Variants in CSPP1 observed in about 807,000 individuals in gnomAD.
CSPP1 encodes the protein centrosome and spindle pole-associated protein 1.
In CSPP1, 126 loss-of-function variants were observed where a neutral mutation model predicts 164.4. The ratio of observed to expected loss-of-function variants is 0.77; its 90% CI spans 0.66 to 0.89. The LOEUF (loss-of-function observed/expected upper bound fraction) is 0.89. Among genes scored for constraint, CSPP1 ranks in the 40% least tolerant of loss-of-function variants. The pLI, the probability that CSPP1 is intolerant of heterozygous loss-of-function variation, is 0.00. For missense variants in CSPP1, 1,395 were observed against 1,449.8 expected (o/e 0.96, Z 0.61); for synonymous variants, 472 against 476.7 (o/e 0.99, Z 0.13).
chr8:67,189,875 G>A (rs564148933), intron 28 of CSPP1, among the ~76,000 whole-genome samples: 12 of 152,202 alleles, frequency 7.9e-5, no homozygotes, highest in Non-Finnish European at 1.3e-4. Context: ...GGAGGTTACC[G>A]TAGATGTTGT....
chr8:67,145,142 T>A (rs1824268269), intron 17 of CSPP1, among the ~76,000 whole-genome samples: 2 of 152,146 alleles, frequency 1.3e-5, no homozygotes, highest in African/African-American at 2.4e-5. Context: ...TGACTTCACT[T>A]TATTTAATAG....
intron 1 of CSPP1, among the ~76,000 whole-genome samples, chr8:67,065,689 G>C (rs1434909505): frequency 6.6e-6 from 1 of 152,100 alleles, no homozygotes; most frequent in East Asian, 1.9e-4. Context: ...TGTTGTACAG[G>C]CTGGAGTGCA....
chr8:67,115,094 T>A (rs994457767), intron 12 of CSPP1: 1 of 152,250 alleles, frequency 6.6e-6, no homozygotes, highest in African/African-American at 2.4e-5. Flanking sequence ...TTTAGCACCA[T>A]AGCTGAGTCT....
At chr8:67,156,302 C>G (rs1826662566) in intron 19 of CSPP1, among the ~76,000 whole-genome samples, 1 of 151,900 alleles carries the variant, frequency 6.6e-6, no homozygotes, top group Non-Finnish European at 1.5e-5. Context: ...ATTGCTTGAA[C>G]CCAAGTCTCC....
intron 8 of CSPP1, among the ~76,000 whole-genome samples, chr8:67,103,839 CAAAAAAAAAAAA>C (rs757419585): frequency 1.7e-5 from 1 of 59,730 alleles, no homozygotes; most frequent in African/African-American, 5.2e-5. Flanking sequence ...GACTCCCTCT[CAAAAAAAAAAAA>C]AAAAAAAAAA....
chr8:67,159,920 CTTTCCT>C (rs1563712643), intron 21 of CSPP1, among the ~76,000 whole-genome samples: 7 of 51,274 alleles, frequency 1.4e-4, no homozygotes, highest in African/African-American at 3.3e-4. Context: ...TTCTTTCTTT[CTTTCCT>C]TTCCTTCCTT....
intron 18 of CSPP1, 130 bp from the exon 19 acceptor site, chr8:67,153,894 C>A: frequency 1.8e-6 from 1 of 549,680 alleles, no homozygotes; most frequent in Non-Finnish European, 3.2e-6. Context: ...TCAACCTTCC[C>A]CTTCTGATTT....
At chr8:67,172,315 T>C in intron 24 of CSPP1, 101 bp from the exon 25 acceptor site, 3 of 842,838 alleles carry the variant, frequency 3.6e-6, no homozygotes, top group South Asian at 1.6e-5. Context: ...TTTAATAATA[T>C]GATGTGGTGA....
chr8:67,072,511 A>G (rs1380390065), intron 1 of CSPP1, among the ~76,000 whole-genome samples: 2 of 152,138 alleles, frequency 1.3e-5, no homozygotes. Flanking sequence ...TCAAGTGTAT[A>G]TAAAGAAATC....
At chr8:67,188,073 CTG>C (rs1222344358) in intron 28 of CSPP1, among the ~76,000 whole-genome samples, 1 of 152,124 alleles carries the variant, frequency 6.6e-6, no homozygotes, top group Non-Finnish European at 1.5e-5. Context: ...ATAAAAGACA[CTG>C]TTAATTAAGA....
chr8:67,192,799 T>C (rs1192037372), intron 29 of CSPP1, among the ~76,000 whole-genome samples: 3 of 151,456 alleles, frequency 2.0e-5, no homozygotes, highest in Admixed American at 6.6e-5. Flanking sequence ...ACTCCGTCCA[T>C]AAACGTAAGG....
intron 30 of CSPP1, 42 bp from the exon 31 acceptor site, chr8:67,195,340 C>T (rs936793531): frequency 7.6e-6 from 10 of 1,314,276 alleles, no homozygotes; most frequent in South Asian, 3.5e-5. Flanking sequence ...CTCCTGCCTG[C>T]CACCTGTGTT....
At chr8:67,139,557 A>G (rs1253124046) in intron 17 of CSPP1, among the ~76,000 whole-genome samples, 3 of 152,224 alleles carry the variant, frequency 2.0e-5, no homozygotes, top group Non-Finnish European at 4.4e-5. Flanking sequence ...TGTTTATTGC[A>G]GCACTGTTCA....
At chr8:67,108,143 C>T (rs1335120854) in intron 9 of CSPP1, among the ~76,000 whole-genome samples, 2 of 151,964 alleles carry the variant, frequency 1.3e-5, no homozygotes, top group African/African-American at 4.8e-5. Flanking sequence ...GTAATCCCAG[C>T]ATCTTAGGAG....
intron 1 of CSPP1, among the ~76,000 whole-genome samples, chr8:67,067,580 C>T (rs1254144618): frequency 1.3e-5 from 2 of 152,170 alleles, no homozygotes; most frequent in Non-Finnish European, 2.9e-5. Context: ...TCTCCTGCCT[C>T]AGCCTTCTGA....
intron 13 of CSPP1, 124 bp downstream of exon 13, chr8:67,116,246 GAAAT>G: frequency 1.5e-6 from 1 of 647,124 alleles, no homozygotes; most frequent in Non-Finnish European, 2.6e-6. Flanking sequence ...ACAGTTTTGT[GAAAT>G]AAATTCTCTT....
At chr8:67,122,035 A>ATTATTTAT (rs559337948) in intron 15 of CSPP1, among the ~76,000 whole-genome samples, 5 of 151,520 alleles carry the variant, frequency 3.3e-5, no homozygotes, top group African/African-American at 1.2e-4. Context: ...ATTATATTTT[A>ATTATTTAT]TTATTTATTT....
At chr8:67,189,559 T>C (rs936633131) in intron 28 of CSPP1, among the ~76,000 whole-genome samples, 6 of 152,236 alleles carry the variant, frequency 3.9e-5, no homozygotes, top group African/African-American at 1.2e-4. Context: ...ACAGTATACA[T>C]TTGGAAAATC....
intron 3 of CSPP1, among the ~76,000 whole-genome samples, chr8:67,082,531 C>T (rs1450282088): frequency 6.6e-6 from 1 of 152,138 alleles, no homozygotes; most frequent in Admixed American, 6.5e-5. Flanking sequence ...CCTTGTAAGT[C>T]ACCCATTGTG....
Sources: allele counts gnomAD v4.1 joint callset (sites outside exome capture counted in the v4.1 genomes callset), GRCh38; gene constraint gnomAD v4.1.1; transcripts MANE v1.5; gene names NCBI Gene and HGNC (gene_info 2026-07-23, HGNC 2026-07-21).